Variants in RILPL1 observed in about 807,000 individuals in gnomAD.
The protein encoded by RILPL1 is Rab interacting lysosomal protein like 1, also known as RILP-like protein 1.
A neutral mutation model predicts 50.3 loss-of-function variants in RILPL1; 33 were observed. The observed-to-expected ratio is 0.66, with a 90% CI of 0.50 to 0.88. The LOEUF (loss-of-function observed/expected upper bound fraction) is 0.88. Among genes scored for constraint, RILPL1 ranks in the 40% least tolerant of loss-of-function variants. The probability of loss-of-function intolerance (pLI) is 0.00; values close to 1 mark genes in which losing one functional copy is unlikely to be tolerated. For missense variants in RILPL1, 418 were observed against 542.5 expected, an observed-to-expected ratio of 0.77 and a Z score of 2.28; for synonymous variants, 205 against 228.6, an observed-to-expected ratio of 0.90 and a Z score of 0.93.
At chr12:123,527,100 G>A (rs564442840) in intron 1 of RILPL1, among the ~76,000 whole-genome samples, 2 of 152,194 alleles carry the variant, frequency 1.3e-5, no homozygotes, top group Non-Finnish European at 2.9e-5. Context: ...GGAGGCTGAG[G>A]TGGGAGCATT....
intron 2 of RILPL1, chr12:123,513,326 T>A: frequency 2.6e-6 from 1 of 380,836 alleles, no homozygotes; most frequent in Non-Finnish European, 5.4e-6. Flanking sequence ...TGTCCCGACA[T>A]GCCCTGTCCT....
intron 2 of RILPL1, among the ~76,000 whole-genome samples, chr12:123,504,436 C>T (rs1002554632): frequency 6.6e-6 from 1 of 152,148 alleles, no homozygotes; most frequent in African/African-American, 2.4e-5. Flanking sequence ...CAGCAGGCGA[C>T]GATGCCAGTG....
chr12:123,521,720 TAC>T (rs1221430765), intron 2 of RILPL1, among the ~76,000 whole-genome samples: 312 of 123,274 alleles, frequency 2.5e-3, no homozygotes, highest in African/African-American at 7.8e-3. Context: ...AATATATATA[TAC>T]ACACATATAT....
intron 2 of RILPL1, among the ~76,000 whole-genome samples, chr12:123,503,682 C>T (rs1883549178): frequency 6.6e-6 from 1 of 152,054 alleles, no homozygotes; most frequent in Admixed American, 6.6e-5. Context: ...TCTGGGCTCA[C>T]CCAAGTAAGC....
chr12:123,499,252 T>TG, intron 3 of RILPL1, among the ~76,000 whole-genome samples, 166 bp downstream of exon 3: 1 of 152,166 alleles, frequency 6.6e-6, no homozygotes, highest in East Asian at 1.9e-4. Context: ...AGTGAAGACT[T>TG]GAAGTTTCCA....
intron 1 of RILPL1, among the ~76,000 whole-genome samples, chr12:123,526,423 C>T (rs1233104759): frequency 6.6e-6 from 1 of 152,230 alleles, no homozygotes; most frequent in African/African-American, 2.4e-5. Flanking sequence ...ACTAGCTGAC[C>T]TTGGCGAGTT....
intron 6 of RILPL1, 114 bp from the exon 7 acceptor site, chr12:123,472,796 C>G: frequency 8.5e-7 from 1 of 1,177,374 alleles, no homozygotes; most frequent in Non-Finnish European, 1.2e-6. Context: ...CAAATCAATT[C>G]AAGGTGTGAA....
intron 2 of RILPL1, among the ~76,000 whole-genome samples, chr12:123,518,192 G>C (rs1593597521): frequency 6.6e-6 from 1 of 152,236 alleles, no homozygotes; most frequent in East Asian, 1.9e-4. Flanking sequence ...TAATGCCTCT[G>C]AACTGTACAC....
intron 4 of RILPL1, among the ~76,000 whole-genome samples, chr12:123,488,561 C>T (rs1882495728): frequency 6.6e-6 from 1 of 152,154 alleles, no homozygotes; most frequent in South Asian, 2.1e-4. Flanking sequence ...TTCCAGAAGG[C>T]AGAGCCGAGA....
chr12:123,494,718 G>C (rs1882921589), intron 4 of RILPL1, among the ~76,000 whole-genome samples: 1 of 152,186 alleles, frequency 6.6e-6, no homozygotes, highest in African/African-American at 2.4e-5. Flanking sequence ...CACTGTCATA[G>C]ATTGAGTTCA....
intron 1 of RILPL1, 69 bp from the exon 2 acceptor site, chr12:123,523,714 T>C: frequency 6.5e-7 from 1 of 1,535,448 alleles, no homozygotes; most frequent in Non-Finnish European, 8.7e-7. Context: ...ACTCCGACCC[T>C]CAGGGGCAGC....
rs1699621576 is a variant in RILPL1, at chr12:123,472,635, C to T, written c.1115G>A (p.Arg372Lys). Residue 372 changes from arginine (R) to lysine (K), a missense_variant, in exon 7 of 7, where the codon AGA becomes AAA. Coordinates refer to ENST00000376874, the MANE Select transcript of RILPL1 (RefSeq NM_178314.5). ...AAAGGACTCCTGGATGTGCACGTTT[C>T]TCTGTGTGTTGGCCAGGCGCTTCTT... is the stretch of plus-strand genomic sequence containing the variant. ...RDKKRLANTQ[R>K]NVHIQESFGQ... 1 of 1,595,410 alleles carries T rather than the reference C, an allele frequency of 6.3e-7. No homozygotes were observed. The highest frequency in any genetic ancestry group is 1.3e-5 in the African/African-American group (1 of 74,622).
intron 2 of RILPL1, among the ~76,000 whole-genome samples, chr12:123,521,589 AT>A (rs1885020887): frequency 6.9e-4 from 15 of 21,708 alleles, no homozygotes; most frequent in Non-Finnish European, 1.9e-4. Context: ...ATATGTGTAT[AT>A]ATATATTAAT....
intron 4 of RILPL1, among the ~76,000 whole-genome samples, chr12:123,493,034 G>T (rs1882799872): frequency 6.6e-6 from 1 of 152,170 alleles, no homozygotes. Flanking sequence ...TAAAGGGTCT[G>T]TGCTGAGGAG....
At chr12:123,519,482 A>G (rs1884903942) in intron 2 of RILPL1, 2 of 152,216 alleles carry the variant, frequency 1.3e-5, no homozygotes, top group Non-Finnish European at 2.9e-5. Flanking sequence ...AACTGCTGGG[A>G]AGGCCACACT....
chr12:123,486,488 TGTG>T (rs1882342066), intron 4 of RILPL1, among the ~76,000 whole-genome samples: 1 of 152,128 alleles, frequency 6.6e-6, no homozygotes, highest in Admixed American at 6.6e-5. Context: ...TTTAGAAAAA[TGTG>T]GTAAAATATA....
Position 123,475,674 on chromosome 12 carries a change from G to A in RILPL1, c.1068-2992C>T, listed in dbSNP as rs756921397. The A allele has an allele frequency of 4.8e-5, 77 of 1,589,350 alleles. No individual in the cohort carries two copies. The African/African-American group carries it at 8.8e-4, about 18-fold the overall frequency. On this transcript the variant is annotated intron_variant, in intron 6 of 6. Coordinates refer to ENST00000376874, the MANE Select transcript of RILPL1 (RefSeq NM_178314.5). Reference sequence around the variant, plus strand: ...CACACAGTGCCTACAAGGGAAACAAGTCGTCGGACAGGCTGCAGTGTGGGG... The same window carrying A: ...CACACAGTGCCTACAAGGGAAACAAATCGTCGGACAGGCTGCAGTGTGGGG...
At chr12:123,475,811 C>G (rs976627933) in intron 6 of RILPL1, 5 of 1,031,946 alleles carry the variant, frequency 4.8e-6, no homozygotes, top group African/African-American at 3.2e-5. Flanking sequence ...GAAAAAGAAA[C>G]AAACTCCACA....
At chr12:123,505,862 C>T (rs774997458) in intron 2 of RILPL1, among the ~76,000 whole-genome samples, 5 of 152,134 alleles carry the variant, frequency 3.3e-5, no homozygotes, top group Admixed American at 6.6e-5. Flanking sequence ...TGGGCTCAAG[C>T]GATCTTCCCA....
Sources: gnomAD v4.1 joint callset for allele counts (sites outside exome capture counted in the v4.1 genomes callset) on GRCh38, gnomAD v4.1.1 for gene constraint, MANE v1.5 for transcripts, NCBI Gene and HGNC (gene_info 2026-07-23, HGNC 2026-07-21) for gene names.